Variants in PARP10 observed in about 807,000 individuals in gnomAD.
PARP10 encodes poly(ADP-ribose) polymerase family member 10.
Under a neutral mutation model 82.4 loss-of-function variants are expected in PARP10, and 56 were observed. The observed-to-expected ratio is 0.68, with a 90% CI of 0.55 to 0.85. The LOEUF is 0.85. PARP10 is among the 40% of genes least tolerant of loss of function. The probability of loss-of-function intolerance (pLI) is 0.00; values close to 1 mark genes in which losing one functional copy is unlikely to be tolerated. For missense variants in PARP10, 1,227 were observed against 1,379.4 expected (o/e 0.89, Z 1.75); for synonymous variants, 576 against 601.1 (o/e 0.96, Z 0.61).
chr8:143,986,418 C>A lies in PARP10; in HGVS notation c.-59G>T, dbSNP rs971034811. Reference sequence around the variant, plus strand: ...GCTCAGCCAGGACTCCTGTGCCTGCCCCTCAGCAAGCCTAACCCTGCTGGG... The same window carrying A: ...GCTCAGCCAGGACTCCTGTGCCTGCACCTCAGCAAGCCTAACCCTGCTGGG... On this transcript the variant is annotated 5_prime_UTR_variant, in exon 1 of 11. Transcript: ENST00000313028. The A allele has an allele frequency of 2.5e-6, 4 of 1,613,756 alleles. No homozygotes were observed. The African/African-American group carries it at 5.3e-5, about 22-fold the overall frequency.
intron 1 of PARP10, among the ~76,000 whole-genome samples, chr8:144,005,116 T>C (rs1485095569): frequency 1.3e-5 from 2 of 149,558 alleles, no homozygotes; most frequent in Non-Finnish European, 3.0e-5. Flanking sequence ...GAGGCAGAGG[T>C]TGCAGCGAGC....
upstream of PARP10, chr8:143,991,516 G>C (rs782316345): frequency 6.5e-6 from 10 of 1,544,994 alleles, no homozygotes; most frequent in Non-Finnish European, 7.0e-6. Flanking sequence ...CCCCAAGGGG[G>C]CTACCCCCAG....
chr8:143,980,528 A>G (rs1381329108), intron 9 of PARP10, among the ~76,000 whole-genome samples: 1 of 149,674 alleles, frequency 6.7e-6, no homozygotes, highest in Admixed American at 6.7e-5. Context: ...TCTCAAAAAA[A>G]TTATATATAT....
intron 9 of PARP10, among the ~76,000 whole-genome samples, chr8:143,981,629 GTGA>G (rs1240429131): frequency 2.4e-3 from 17 of 6,964 alleles, no homozygotes; most frequent in South Asian, 0.013. Flanking sequence ...GAAGGTGATG[GTGA>G]TGATGGTGGT....
chr8:143,977,190 A>G lies in PARP10; in HGVS notation c.*294T>C, dbSNP rs1554746342. The G allele has an allele frequency of 2.4e-6, 1 of 423,632 alleles. No individual in the cohort carries two copies. The highest frequency in any genetic ancestry group is 2.1e-5 in the African/African-American group (1 of 47,794). The allele number at this position is 423,632 out of a possible 1,614,324, so 26.2% of individuals were successfully genotyped here. On this transcript the variant is annotated 3_prime_UTR_variant, in exon 11 of 11. Transcript: ENST00000313028. ...GTCCCTTCCGCCTGGGTTCACGTTC[A>G]CGTTTATTCAAACAACAGAGCCGAC...
chr8:143,981,397 GAT>G (rs1833855551), intron 9 of PARP10, among the ~76,000 whole-genome samples: 15 of 87,944 alleles, frequency 1.7e-4, no homozygotes, highest in Non-Finnish European at 2.4e-4. Context: ...TGATGGTGAT[GAT>G]GGTGGTGACG....
chr8:143,981,050 G>GA (rs368527969), intron 9 of PARP10, among the ~76,000 whole-genome samples: 12 of 147,214 alleles, frequency 8.2e-5, no homozygotes, highest in South Asian at 2.1e-4. Flanking sequence ...GCTGTCAAGT[G>GA]AAAAAAAAAA....
upstream of PARP10, chr8:143,993,181 C>T: frequency 3.1e-6 from 1 of 319,042 alleles, no homozygotes; most frequent in Non-Finnish European, 6.0e-6. Flanking sequence ...GGGATTGAGC[C>T]AAGAGGTGAG....
intron 1 of PARP10, among the ~76,000 whole-genome samples, chr8:144,011,000 G>A (rs1834277064): frequency 6.6e-6 from 1 of 151,920 alleles, no homozygotes; most frequent in Non-Finnish European, 1.5e-5. Flanking sequence ...CTCCTTTAAA[G>A]TCAACATCTT....
At chr8:143,994,931 T>C (rs1834153310), upstream of PARP10, among the ~76,000 whole-genome samples, 1 of 149,106 alleles carries the variant, frequency 6.7e-6, no homozygotes, top group Non-Finnish European at 1.5e-5. Flanking sequence ...AGTGTTTATG[T>C]GGCTAACGAG....
At chr8:143,992,602 C>T (rs371815474), upstream of PARP10, 7 of 1,614,018 alleles carry the variant, frequency 4.3e-6, no homozygotes, top group African/African-American at 1.3e-5. Context: ...CTCTGCTCTT[C>T]ACCTGCGTGA....
chr8:143,991,457 C>T, upstream of PARP10: 1 of 1,487,658 alleles, frequency 6.7e-7, no homozygotes, highest in Non-Finnish European at 8.9e-7. Context: ...CCCAAGGGGG[C>T]TACCCACAGG....
chr8:144,005,115 G>T (rs1182269491), intron 1 of PARP10, among the ~76,000 whole-genome samples: 2 of 151,432 alleles, frequency 1.3e-5, no homozygotes, highest in Non-Finnish European at 2.9e-5. Flanking sequence ...GGAGGCAGAG[G>T]TTGCAGCGAG....
In PARP10 at chr8:143,985,773, G is replaced by A. The variant is rs368551899; in HGVS notation, c.384C>T (p.Ser128=). 10 of 1,611,176 alleles carry A rather than the reference G, an allele frequency of 6.2e-6. No individual in the cohort carries two copies. The highest frequency in any genetic ancestry group is 1.3e-5 in the African/African-American group (1 of 74,894). The change falls in exon 3 of 11, where the codon AGC becomes AGT. Residue 128 remains serine, a synonymous_variant. Transcript: ENST00000313028. Reference sequence around the variant, plus strand: ...GGACCAGAGCCCGGTCTGGCCGGGGGCTGGCCAAGGCACAGCAAGGCTGTA... The same window carrying A: ...GGACCAGAGCCCGGTCTGGCCGGGGACTGGCCAAGGCACAGCAAGGCTGTA... The part of the protein sequence containing the change: ...LPVQPCCALA[S]PRPDRALVQL...
upstream of PARP10, among the ~76,000 whole-genome samples, chr8:143,993,837 C>T (rs141836580): frequency 2.2e-4 from 33 of 152,346 alleles, no homozygotes; most frequent in East Asian, 6.4e-3. Flanking sequence ...TGATATTCCA[C>T]CCAGGCCTGC....
chr8:143,987,122 C>T (rs2133055596), upstream of PARP10: 1 of 152,624 alleles, frequency 6.6e-6, no homozygotes, highest in East Asian at 1.9e-4. Context: ...TTCCTTGCTG[C>T]CGCTAATCCT....
chr8:143,988,109 C>G (rs1192160475), upstream of PARP10, among the ~76,000 whole-genome samples: 1 of 148,834 alleles, frequency 6.7e-6, no homozygotes, highest in African/African-American at 2.5e-5. Context: ...CCCCACAAAC[C>G]CCCATGGCCA....
At chr8:143,992,432 C>T (rs782219963), upstream of PARP10, 9 of 1,613,736 alleles carry the variant, frequency 5.6e-6, no homozygotes, top group Non-Finnish European at 6.8e-6. Flanking sequence ...TTCCCAGGCC[C>T]AGCCCCATGG....
At chr8:144,005,551 G>A (rs1051691552) in intron 1 of PARP10, among the ~76,000 whole-genome samples, 2 of 152,058 alleles carry the variant, frequency 1.3e-5, no homozygotes, top group African/African-American at 2.4e-5. Flanking sequence ...AGAAACCCTC[G>A]TAGCCTTTCC....
Sources: allele counts gnomAD v4.1 joint callset (sites outside exome capture counted in the v4.1 genomes callset), GRCh38; gene constraint gnomAD v4.1.1; transcripts MANE v1.5; gene names NCBI Gene and HGNC (gene_info 2026-07-23, HGNC 2026-07-21).